The following AIRE variants were observed in gnomAD, a reference collection of about 807,000 sequenced individuals.
AIRE encodes the protein autoimmune polyendocrinopathy candidiasis ectodermal dystrophy protein.
Under a neutral mutation model 62.1 loss-of-function variants are expected in AIRE, and 52 were observed. The observed-to-expected ratio is 0.84, with a 90% CI of 0.67 to 1.06. The LOEUF is 1.06. AIRE is among the 50% of genes least tolerant of loss of function. The pLI is 0.00. For synonymous variants in AIRE, 342 were observed against 321.6 expected, an observed-to-expected ratio of 1.06 and a Z score of -0.68; for missense variants, 774 against 755.8, an observed-to-expected ratio of 1.02 and a Z score of -0.28.
In AIRE at chr21:44,286,844, C is replaced by A; in HGVS notation, c.307+113C>A. 1 of 1,565,488 alleles carries A rather than the reference C, an allele frequency of 6.4e-7. No homozygotes were observed. The highest frequency in any genetic ancestry group is 1.1e-5 in the South Asian group (1 of 89,540). Reference sequence around the variant, plus strand: ...TTTGAGGAGCCCGTGGGTGATGTTCCAGGACCGTCTTGGATCCTAAGAGGC... The same window carrying A: ...TTTGAGGAGCCCGTGGGTGATGTTCAAGGACCGTCTTGGATCCTAAGAGGC... On this transcript the variant is annotated intron_variant, in intron 2 of 13. Transcript: ENST00000291582. The surrounding 1 kb of genome is among the most constrained non-coding windows in gnomAD (Gnocchi z 6.0).
Position 44,290,033 on chromosome 21 carries a change from C to A in AIRE, c.844C>A (p.Pro282Thr). 6.2e-7 allele frequency: 1 copy of A among 1,612,054 alleles called. No homozygotes were observed. The highest frequency in any genetic ancestry group is 8.5e-7 in the Non-Finnish European group (1 of 1,179,724). ...RLGQQGSVPA[P>T]LALPSDPQLH... The stretch of plus-strand genomic sequence containing the variant: ...GGGCCAGCAGGGCAGCGTTCCCGCC[C>A]CTCTGGCCCTCCCCAGTGACCCCCA... The change falls in exon 7 of 14, where the codon CCT becomes ACT. Residue 282 changes from proline (P) to threonine (T), a missense_variant. Around this residue, in one of 3 missense-constraint regions of AIRE, gnomAD observed 385 missense variants for 396.0 expected, o/e 0.97. Transcript: ENST00000291582.
chr21:44,290,414 G>C lies in AIRE; in HGVS notation c.879+346G>C, dbSNP rs545042010. 3 of 985,206 alleles carry C rather than the reference G, an allele frequency of 3.0e-6. No individual in the cohort carries two copies. In the South Asian group the frequency reaches 1.4e-4, roughly 46 times the overall value. 61.0% of individuals were successfully genotyped at this position (985,206 alleles called of 1,614,324 possible). A position where few individuals can be genotyped will look rare whatever the true frequency, so the allele number is the denominator to read the frequency against. Reference sequence around the variant, plus strand: ...ACTGGGAATGCCATGCTCATCTTTCGTCCCCAGCATGGTTTCTTAATGGGG... The same window carrying C: ...ACTGGGAATGCCATGCTCATCTTTCCTCCCCAGCATGGTTTCTTAATGGGG... On this transcript the variant is annotated intron_variant, in intron 7 of 13. Transcript: ENST00000291582.
At chr21:44,292,025 C>CA (rs2040546280) in intron 8 of AIRE, among the ~76,000 whole-genome samples, 1 of 152,200 alleles carries the variant, frequency 6.6e-6, no homozygotes, top group Admixed American at 6.5e-5. Flanking sequence ...GAGAGGCAGG[C>CA]AAAGCCACCA....
intron 12 of AIRE, 50 bp from the exon 13 acceptor site, chr21:44,296,333 C>T (rs373608872): frequency 5.8e-6 from 9 of 1,551,446 alleles, no homozygotes; most frequent in African/African-American, 1.4e-5. Context: ...TCTGTACCCC[C>T]ACCAGGGCTG....
chr21:44,293,932 G>A (rs1244383967), intron 11 of AIRE, 22 bp downstream of exon 11: 12 of 1,595,284 alleles, frequency 7.5e-6, no homozygotes, highest in Non-Finnish European at 1.0e-5. Flanking sequence ...TGGTCGGCGG[G>A]GAGGCCTGAA....
intron 12 of AIRE, among the ~76,000 whole-genome samples, chr21:44,296,162 T>C (rs560049642): frequency 4.6e-5 from 7 of 152,222 alleles, no homozygotes; most frequent in African/African-American, 1.7e-4. Context: ...GGAGGCTGTC[T>C]GGGGGCCGTG....
At chr21:44,295,844 C>T (rs1445912001) in intron 12 of AIRE, among the ~76,000 whole-genome samples, 5 of 149,556 alleles carry the variant, frequency 3.3e-5, no homozygotes, top group Non-Finnish European at 5.9e-5. Context: ...GCAGGGCTGC[C>T]GGGCCTCGCA....
rs1366406499 is a variant in AIRE, at chr21:44,297,167, G to A, written c.1567-489G>A. ...TAATGGAGCTGCCCCTCTGGATGGG[G>A]TCCCCGGGTATAGCTGGAGAAATGA... On this transcript the variant is annotated intron_variant, in intron 13 of 13. Coordinates refer to ENST00000291582, the MANE Select transcript of AIRE (RefSeq NM_000383.4). The surrounding 1 kb of genome is among the most constrained non-coding windows in gnomAD (Gnocchi z 4.8). 6.6e-6 allele frequency among the ~76,000 whole-genome samples: 1 copy of A among 152,216 alleles called. No individual in the cohort carries two copies. Among genetic ancestry groups the A allele is most frequent in the African/African-American group, 2.4e-5 (1 of 41,462 alleles).
In AIRE at chr21:44,286,814, T is replaced by G; in HGVS notation, c.307+83T>G. 6.3e-7 allele frequency: 1 copy of G among 1,580,028 alleles called. No individual in the cohort carries two copies. The highest frequency in any genetic ancestry group is 8.7e-7 in the Non-Finnish European group (1 of 1,154,148). On this transcript the variant is annotated intron_variant, in intron 2 of 13. Transcript: ENST00000291582. This position sits in a 1 kb window ranked among gnomAD's most constrained non-coding sequence, Gnocchi z 6.0. Reference sequence around the variant, plus strand: ...CAGCCCAGCTGGACTGGAACCGGAGTGGTGTTTGAGGAGCCCGTGGGTGAT... The same window carrying G: ...CAGCCCAGCTGGACTGGAACCGGAGGGGTGTTTGAGGAGCCCGTGGGTGAT...
In AIRE at chr21:44,290,956, C is replaced by T. The variant is rs781020126; in HGVS notation, c.880-139C>T. Reference sequence around the variant, plus strand: ...GTCAGGGCAGAATTTCAGGCCCTGGCAGCATGGGAGCAGGGCAGAGACTGG... The same window carrying T: ...GTCAGGGCAGAATTTCAGGCCCTGGTAGCATGGGAGCAGGGCAGAGACTGG... On this transcript the variant is annotated intron_variant, in intron 7 of 13. Coordinates refer to ENST00000291582, the MANE Select transcript of AIRE (RefSeq NM_000383.4). 3 of 1,612,480 alleles carry T rather than the reference C, an allele frequency of 1.9e-6. No homozygotes were observed. The South Asian group carries it at 3.3e-5, about 18-fold the overall frequency.
rs179363879 is a variant in AIRE, at chr21:44,286,092, T to C, written c.86T>C (p.Leu29Pro). Residue 29 changes from leucine (L) to proline (P), a missense_variant, in exon 1 of 14, where the codon CTG becomes CCG. By Grantham distance (98) the Leu-to-Pro change is moderately conservative (BLOSUM62 -3). This residue lies in a region of AIRE where 385 missense variants were observed against 396.0 expected (regional missense o/e 0.97). Coordinates refer to ENST00000291582, the MANE Select transcript of AIRE (RefSeq NM_000383.4). The surrounding 1 kb of genome is among the most constrained non-coding windows in gnomAD (Gnocchi z 6.0). Reference sequence around the variant, plus strand: ...GCCGTGGACAGCGCCTTCCCACTGCTGCACGCGCTGGCTGACCACGACGTG... The same window carrying C: ...GCCGTGGACAGCGCCTTCCCACTGCCGCACGCGCTGGCTGACCACGACGTG... ...AVAVDSAFPL[L>P]HALADHDVVP... The C allele has an allele frequency of 6.5e-7, 1 of 1,546,414 alleles. No homozygotes were observed. Among genetic ancestry groups the C allele is most frequent in the Non-Finnish European group, 8.7e-7 (1 of 1,146,564 alleles).
At chr21:44,296,354 G>A (rs1467538799) in intron 12 of AIRE, 29 bp from the exon 13 acceptor site, 2 of 1,603,420 alleles carry the variant, frequency 1.2e-6, no homozygotes, top group South Asian at 2.2e-5. Context: ...TGGGAGTTGG[G>A]CTGACCTCTT....
In AIRE at chr21:44,289,900, G is replaced by T. The variant is rs2040518950; in HGVS notation, c.799-88G>T. The T allele has an allele frequency of 3.1e-6, 5 of 1,603,770 alleles. No individual in the cohort carries two copies. The Admixed American group carries it at 5.1e-5, about 16-fold the overall frequency. On this transcript the variant is annotated intron_variant, in intron 6 of 13. Transcript: ENST00000291582. ...GGAGTGGCTCTGCTGGGGGCTGGGG[G>T]CTGCTGCCGAGAGACGCCTGGTGCC...
At position 44,298,270 on chromosome 21, in the gene AIRE, C is replaced by G. The variant is rs1319271011; in HGVS notation, c.*543C>G. ...TGTTCCAGCTTCCTGAATGGAAACT[C>G]TGGCCCCATGAAACACTCACTCCCC... On this transcript the variant is annotated 3_prime_UTR_variant, in exon 14 of 14. Transcript: ENST00000291582. The G allele has an allele frequency of 5.5e-6, 1 of 181,252 alleles. No homozygotes were observed. Among genetic ancestry groups the G allele is most frequent in the Non-Finnish European group, 1.2e-5 (1 of 84,394 alleles). The allele number at this position is 181,252 out of a possible 1,614,324, so 11.2% of individuals were successfully genotyped here.
chr21:44,289,712 C>T lies in AIRE; in HGVS notation c.708C>T (p.Phe236=), dbSNP rs908180454. The T allele has an allele frequency of 6.8e-6, 11 of 1,612,720 alleles. No individual in the cohort carries two copies. Among genetic ancestry groups the T allele is most frequent in the African/African-American group, 2.7e-5 (2 of 74,930 alleles). ...VGGEFYTPSK[F]EDSGSGKNKA... is the part of the protein sequence containing the mutation. ...GGGAGTTCTACACTCCCAGCAAGTT[C>T]GAAGACTCCGGCAGTGGGAAGAACA... Residue 236 remains phenylalanine, a synonymous_variant, in exon 6 of 14, where the codon TTC becomes TTT. Transcript: ENST00000291582.
rs1422856019 is a variant in AIRE at position 44,287,203 on chromosome 21, C to T, written c.463+70C>T. On this transcript the variant is annotated intron_variant, in intron 3 of 13. Coordinates refer to ENST00000291582, the MANE Select transcript of AIRE (RefSeq NM_000383.4). The surrounding 1 kb of genome is among the most constrained non-coding windows in gnomAD (Gnocchi z 4.3). ...CGGGCTTCCCCGGGAGCCCACGCCC[C>T]CTCCCCACCCGGGCTCCCACCCACT... 1 of 1,580,566 alleles carries T rather than the reference C, an allele frequency of 6.3e-7. No homozygotes were observed. Among genetic ancestry groups the T allele is most frequent in the Admixed American group, 1.7e-5 (1 of 58,636 alleles).
At chr21:44,290,279 C>G (rs1412316426) in intron 7 of AIRE, 1 of 985,304 alleles carries the variant, frequency 1.0e-6, no homozygotes, top group Non-Finnish European at 1.2e-6. Context: ...AAAGTGAGGT[C>G]TTCTCAGGCT....
chr21:44,294,627 G>A (rs1024676336), intron 12 of AIRE, 124 bp downstream of exon 12: 8 of 476,216 alleles, frequency 1.7e-5, no homozygotes, highest in Admixed American at 7.6e-5. Context: ...TGCACCAGAC[G>A]CACTGACCAT....
rs1340047804 is a variant in AIRE at position 44,293,107 on chromosome 21, G to A, written c.1210G>A (p.Ala404Thr). 2.7e-5 allele frequency: 44 copies of A among 1,607,044 alleles called. No individual in the cohort carries two copies. Among genetic ancestry groups the A allele is most frequent in the Non-Finnish European group, 3.7e-5 (43 of 1,177,664 alleles). ...GCACCTGCCGGCTCCGCCTTCTGCA[G>A]CCCCGCTGCCAGGGCTGGACTCCTC... is the stretch of plus-strand genomic sequence containing the variant. Reference protein sequence around the residue: ...YKHLPAPPSAAPLPGLDSSAL... With the variant: ...YKHLPAPPSATPLPGLDSSAL... The change falls in exon 10 of 14, where the codon GCC (alanine) becomes ACC (threonine). Residue 404 changes from alanine (A) to threonine (T), a missense_variant. Physicochemically the swap from Ala to Thr is moderately conservative, Grantham distance 58. Around this residue, in one of 3 missense-constraint regions of AIRE, gnomAD observed 354 missense variants for 296.1 expected, o/e 1.20. Coordinates refer to ENST00000291582, the MANE Select transcript of AIRE (RefSeq NM_000383.4).
Sources: allele counts gnomAD v4.1 joint callset (sites outside exome capture counted in the v4.1 genomes callset), GRCh38; gene constraint gnomAD v4.1.1; regional missense constraint gnomAD v4.1.1; non-coding constraint Gnocchi (gnomAD v3.1); transcripts MANE v1.5; gene names NCBI Gene and HGNC (gene_info 2026-07-23, HGNC 2026-07-21).